Variants in SLC30A8 observed in about 807,000 individuals in gnomAD.
The protein encoded by SLC30A8 is solute carrier family 30 member 8.
A neutral mutation model predicts 36.9 loss-of-function variants in SLC30A8; 27 were observed. The ratio of observed to expected loss-of-function variants is 0.73; its 90% CI spans 0.54 to 1.01. SLC30A8 has a LOEUF of 1.01. SLC30A8 is among the 50% of genes least tolerant of loss of function. The pLI, the probability that SLC30A8 is intolerant of heterozygous loss-of-function variation, is 0.00. For missense variants in SLC30A8, 439 were observed against 452.0 expected, an observed-to-expected ratio of 0.97 and a Z score of 0.26; for synonymous variants, 164 against 172.4, an observed-to-expected ratio of 0.95 and a Z score of 0.38.
At chr8:117,116,099 CA>C (rs765436515) in intron 2 of SLC30A8, among the ~76,000 whole-genome samples, 3 of 151,686 alleles carry the variant, frequency 2.0e-5, no homozygotes, top group Admixed American at 6.6e-5. Context: ...CAGATAAAAA[CA>C]AGAAATGACA....
At chr8:117,069,575 C>G (rs1475059830) in intron 2 of SLC30A8, among the ~76,000 whole-genome samples, 12 of 152,188 alleles carry the variant, frequency 7.9e-5, no homozygotes. Flanking sequence ...CAATGGAGGT[C>G]TGGATAATAC....
At chr8:117,032,233 C>A (rs182508981) in intron 1 of SLC30A8, among the ~76,000 whole-genome samples, 1 of 152,188 alleles carries the variant, frequency 6.6e-6, no homozygotes, top group South Asian at 2.1e-4. Flanking sequence ...TTACATACCC[C>A]CTTCTCAGTA....
At chr8:117,021,259 A>G (rs774251445) in intron 1 of SLC30A8, among the ~76,000 whole-genome samples, 4 of 152,200 alleles carry the variant, frequency 2.6e-5, no homozygotes, top group African/African-American at 9.6e-5. Context: ...GAGGATTCCT[A>G]CTTGTACTTT....
At chr8:117,107,273 T>A (rs1820035840) in intron 2 of SLC30A8, among the ~76,000 whole-genome samples, 1 of 152,156 alleles carries the variant, frequency 6.6e-6, no homozygotes, top group South Asian at 2.1e-4. Flanking sequence ...AATATCAAAG[T>A]ATTAAATATA....
chr8:116,952,034 C>T (rs1463241028), intron 1 of SLC30A8, among the ~76,000 whole-genome samples: 2 of 151,994 alleles, frequency 1.3e-5, no homozygotes, highest in East Asian at 3.9e-4. Flanking sequence ...AGAGAGAAGG[C>T]GTTTTGGAGC....
intron 1 of SLC30A8, among the ~76,000 whole-genome samples, chr8:117,013,730 A>C (rs749875178): frequency 7.9e-5 from 12 of 152,144 alleles, no homozygotes; most frequent in Non-Finnish European, 1.8e-4. Context: ...AGGTGAAGGA[A>C]TGAAGAGTGT....
chr8:117,049,535 C>T (rs1817646282), intron 2 of SLC30A8, among the ~76,000 whole-genome samples: 1 of 152,174 alleles, frequency 6.6e-6, no homozygotes, highest in South Asian at 2.1e-4. Context: ...CTGCAAAGTT[C>T]CCCTCATCAC....
intron 2 of SLC30A8, among the ~76,000 whole-genome samples, chr8:117,053,403 G>A (rs1817770378): frequency 6.6e-6 from 1 of 152,038 alleles, no homozygotes; most frequent in South Asian, 2.1e-4. Context: ...AAAGACTTGG[G>A]TTCAAGTTTT....
chr8:117,075,995 CT>C, intron 2 of SLC30A8, among the ~76,000 whole-genome samples: 1 of 152,304 alleles, frequency 6.6e-6, no homozygotes, highest in South Asian at 2.1e-4. Context: ...TCTCTCATTA[CT>C]TTCTCTTGCC....
chr8:117,045,352 G>GT (rs1229627819), intron 2 of SLC30A8, among the ~76,000 whole-genome samples: 2 of 152,088 alleles, frequency 1.3e-5, no homozygotes, highest in South Asian at 2.1e-4. Flanking sequence ...TACTTGAAAG[G>GT]TTTTTTATGA....
intron 2 of SLC30A8, among the ~76,000 whole-genome samples, chr8:117,050,510 A>C (rs1381576370): frequency 6.6e-6 from 1 of 151,366 alleles, no homozygotes; most frequent in Non-Finnish European, 1.5e-5. Context: ...AGTTCAAGTG[A>C]TTCTCCTGCC....
intron 1 of SLC30A8, among the ~76,000 whole-genome samples, chr8:116,963,107 T>C (rs1258037713): frequency 6.6e-6 from 1 of 152,110 alleles, no homozygotes; most frequent in African/African-American, 2.4e-5. Context: ...ATCTTCAGGC[T>C]TGAAGGAAAA....
At chr8:117,030,254 T>C (rs1408334758) in intron 1 of SLC30A8, among the ~76,000 whole-genome samples, 1 of 148,526 alleles carries the variant, frequency 6.7e-6, no homozygotes. Context: ...TTTCTTGCTT[T>C]TGTTAAAAAA....
At chr8:116,978,676 A>G (rs1165792565) in intron 1 of SLC30A8, among the ~76,000 whole-genome samples, 1 of 152,214 alleles carries the variant, frequency 6.6e-6, no homozygotes, top group African/African-American at 2.4e-5. Context: ...TGTATTTACT[A>G]CAAATATGTC....
intron 1 of SLC30A8, among the ~76,000 whole-genome samples, chr8:117,033,069 A>C (rs1817106234): frequency 6.6e-6 from 1 of 152,154 alleles, no homozygotes; most frequent in Non-Finnish European, 1.5e-5. Context: ...AATTAAAAGT[A>C]ATTTGGTCCA....
At chr8:116,973,552 T>C (rs146461837) in intron 1 of SLC30A8, among the ~76,000 whole-genome samples, 3,444 of 152,244 alleles carry the variant, frequency 0.023, 116 homozygotes, top group African/African-American at 0.077. Context: ...CACAAACAAA[T>C]GGAAGAACAT....
At chr8:117,094,853 C>T (rs1388065756) in intron 2 of SLC30A8, among the ~76,000 whole-genome samples, 1 of 152,226 alleles carries the variant, frequency 6.6e-6, no homozygotes, top group Non-Finnish European at 1.5e-5. Flanking sequence ...CCTCAGCCTC[C>T]TTCCCATGCT....
intron 1 of SLC30A8, among the ~76,000 whole-genome samples, chr8:116,962,309 G>A (rs79090626): frequency 0.023 from 3,451 of 152,052 alleles, 127 homozygotes; most frequent in African/African-American, 0.078. Flanking sequence ...ATAAGCACCA[G>A]TTTTCTGTGT....
chr8:117,133,259 A>C (rs1821210313), upstream of SLC30A8, among the ~76,000 whole-genome samples: 1 of 151,836 alleles, frequency 6.6e-6, no homozygotes, highest in Non-Finnish European at 1.5e-5. Flanking sequence ...TGGGTCTCTC[A>C]TTGTCTCTTT....
Sources: gnomAD v4.1 joint callset for allele counts (sites outside exome capture counted in the v4.1 genomes callset) on GRCh38, gnomAD v4.1.1 for gene constraint, MANE v1.5 for transcripts, NCBI Gene and HGNC (gene_info 2026-07-23, HGNC 2026-07-21) for gene names.